The following XPO6 variants were observed in gnomAD, a reference collection of about 807,000 sequenced individuals.
XPO6 encodes the protein exportin-6.
A neutral mutation model predicts 130.0 loss-of-function variants in XPO6; 3 were observed. The ratio of observed to expected loss-of-function variants is 0.02; its 90% CI spans 0.01 to 0.06. The LOEUF is 0.06. Ranked by LOEUF, XPO6 falls within the 10% of genes least tolerant of loss-of-function variation. XPO6 has a pLI of 1.00. For synonymous variants in XPO6, 524 were observed against 548.9 expected (o/e 0.95, Z 0.63); for missense variants, 970 against 1,393.0 (o/e 0.70, Z 4.83).
intron 6 of XPO6, among the ~76,000 whole-genome samples, chr16:28,162,144 GAA>G (rs1165506195): frequency 6.6e-6 from 1 of 152,230 alleles, no homozygotes; most frequent in East Asian, 1.9e-4. Context: ...TCAAAAGAAA[GAA>G]AATAGCAGGA....
intron 1 of XPO6, among the ~76,000 whole-genome samples, chr16:28,188,020 G>A (rs974981174): frequency 2.0e-5 from 3 of 152,118 alleles, no homozygotes; most frequent in Non-Finnish European, 2.9e-5. Flanking sequence ...GATTAAATCT[G>A]TAATATGTTA....
intron 6 of XPO6, among the ~76,000 whole-genome samples, chr16:28,160,428 T>A (rs2043257200): frequency 7.1e-6 from 1 of 140,740 alleles, no homozygotes; most frequent in South Asian, 2.2e-4. Flanking sequence ...CGCTTGCCCC[T>A]GGGAGGCGGA....
Position 28,148,894 on chromosome 16 carries a change from T to C in XPO6, c.1225-2691A>G, listed in dbSNP as rs554593488. ...CTATCTCTACTAAAAATACAAAAAA[T>C]TAGCCGGGTGGGATGGTGCTTGCCT... On this transcript the variant is annotated intron_variant, in intron 8 of 23. Coordinates refer to ENST00000304658, the MANE Select transcript of XPO6 (RefSeq NM_015171.4). 6.6e-5 allele frequency among the ~76,000 whole-genome samples: 10 copies of C among 151,888 alleles called. No individual in the cohort carries two copies. In the South Asian group the frequency reaches 1.9e-3, roughly 29 times the overall value.
At chr16:28,201,468 C>T (rs2141908225) in intron 1 of XPO6, among the ~76,000 whole-genome samples, 1 of 152,266 alleles carries the variant, frequency 6.6e-6, no homozygotes. Flanking sequence ...CTCCTCACCC[C>T]CAGGCTTGGA....
Position 28,156,385 on chromosome 16 carries a change from C to T in XPO6, c.786G>A (p.Leu262=). 2 of 1,614,000 alleles carry T rather than the reference C, an allele frequency of 1.2e-6. No homozygotes were observed. Among genetic ancestry groups the T allele is most frequent in the South Asian group, 2.2e-5 (2 of 91,068 alleles). ...GGAGGGATGGGGTGATGCTGGCAGACAGAGGAATCCAACTGAAGAGATGGG... is the reference window on the plus strand; with the variant it reads ...GGAGGGATGGGGTGATGCTGGCAGATAGAGGAATCCAACTGAAGAGATGGG... ...CLAHLFSWIP[L]SASITPSLLT... is the part of the protein sequence containing the mutation. The change falls in exon 7 of 24, where the codon CTG becomes CTA. Residue 262 remains leucine, a synonymous_variant. Transcript: ENST00000304658.
intron 14 of XPO6, among the ~76,000 whole-genome samples, chr16:28,118,948 A>C (rs1311806600): frequency 6.6e-6 from 1 of 152,198 alleles, no homozygotes; most frequent in Non-Finnish European, 1.5e-5. Context: ...TAGGATTGCT[A>C]CTGGATTGTC....
At chr16:28,159,603 C>T (rs1472142734) in intron 6 of XPO6, among the ~76,000 whole-genome samples, 1 of 152,152 alleles carries the variant, frequency 6.6e-6, no homozygotes, top group Non-Finnish European at 1.5e-5. Flanking sequence ...AGCAAAAGGA[C>T]ACACTGGCAT....
chr16:28,104,514 G>T, intron 21 of XPO6, 32 bp downstream of exon 21: 2 of 1,612,482 alleles, frequency 1.2e-6, no homozygotes, highest in Non-Finnish European at 1.7e-6. Flanking sequence ...GTTAGAGGAA[G>T]TCACCTGGCA....
intron 12 of XPO6, 115 bp from the exon 13 acceptor site, chr16:28,125,963 G>A (rs1365635014): frequency 1.7e-5 from 23 of 1,361,380 alleles, no homozygotes; most frequent in Non-Finnish European, 2.3e-5. Context: ...ACCAATTCGC[G>A]AAACAAAGCA....
intron 1 of XPO6, among the ~76,000 whole-genome samples, chr16:28,190,412 A>G (rs1278249481): frequency 4.6e-5 from 7 of 151,924 alleles, no homozygotes; most frequent in Non-Finnish European, 1.0e-4. Flanking sequence ...TATTAGAGAC[A>G]AGACTTCATC....
chr16:28,194,126 G>C (rs2043824488), intron 1 of XPO6, among the ~76,000 whole-genome samples: 1 of 151,802 alleles, frequency 6.6e-6, no homozygotes, highest in Non-Finnish European at 1.5e-5. Context: ...CCCTCACCAA[G>C]TAGCTATGGG....
intron 12 of XPO6, among the ~76,000 whole-genome samples, chr16:28,128,180 T>G (rs1435699121): frequency 6.6e-6 from 1 of 152,168 alleles, no homozygotes; most frequent in Non-Finnish European, 1.5e-5. Flanking sequence ...CAAGGTTATA[T>G]CTATGCAACC....
intron 1 of XPO6, among the ~76,000 whole-genome samples, chr16:28,197,478 T>C (rs1214497061): frequency 1.3e-5 from 2 of 152,138 alleles, no homozygotes; most frequent in Non-Finnish European, 2.9e-5. Flanking sequence ...TGAGGAACAA[T>C]AATGAGAAGC....
In XPO6 at chr16:28,156,544, C is replaced by T; in HGVS notation, c.644-17G>A. ...GTAAGTCACCTGAAAATAAGAAAGG[C>T]TTTTAAGCTATCCAGCATCAAATCT... On this transcript the variant is annotated splice_polypyrimidine_tract_variant and intron_variant, in intron 6 of 23. Coordinates refer to ENST00000304658, the MANE Select transcript of XPO6 (RefSeq NM_015171.4). 1.3e-6 allele frequency: 2 copies of T among 1,519,168 alleles called. No individual in the cohort carries two copies. Among genetic ancestry groups the T allele is most frequent in the South Asian group, 2.6e-5 (2 of 75,508 alleles). 94.1% of individuals were successfully genotyped at this position (1,519,168 alleles called of 1,614,324 possible).
At chr16:28,118,495 G>A (rs1409627177) in intron 14 of XPO6, among the ~76,000 whole-genome samples, 1 of 152,032 alleles carries the variant, frequency 6.6e-6, no homozygotes, top group Admixed American at 6.5e-5. Context: ...CAAGTAGCTG[G>A]GATTACAGGT....
chr16:28,142,553 G>A (rs370711574), intron 9 of XPO6, among the ~76,000 whole-genome samples: 2 of 152,010 alleles, frequency 1.3e-5, no homozygotes, highest in East Asian at 3.9e-4. Context: ...GAGCTTGGAG[G>A]GGTTTTTGTT....
In XPO6 at chr16:28,211,748, G is replaced by A. The variant is rs1596987972; in HGVS notation, c.-380C>T. 2.9e-6 allele frequency: 1 copy of A among 341,206 alleles called. No individual in the cohort carries two copies. 21.1% of individuals were successfully genotyped at this position (341,206 alleles called of 1,614,324 possible). A position where few individuals can be genotyped will look rare whatever the true frequency, so the allele number is the denominator to read the frequency against. On this transcript the variant is annotated 5_prime_UTR_variant, in exon 1 of 24. Transcript: ENST00000304658. Reference sequence around the variant, plus strand: ...CGCGGGCAGAGGTGGCGGCGGCCCCGGCCCCGAGGCTGAACGGGCGGAGGC... The same window carrying A: ...CGCGGGCAGAGGTGGCGGCGGCCCCAGCCCCGAGGCTGAACGGGCGGAGGC...
chr16:28,121,565 C>A, intron 14 of XPO6, 105 bp downstream of exon 14: 1 of 876,238 alleles, frequency 1.1e-6, no homozygotes, highest in Non-Finnish European at 1.9e-6. Flanking sequence ...GAGTTTTTCC[C>A]TGATTCATGG....
Position 28,211,703 on chromosome 16 carries a change from G to C in XPO6, c.-335C>G, listed in dbSNP as rs1362955976. The C allele has an allele frequency of 1.8e-5, 7 of 387,412 alleles. No individual in the cohort carries two copies. Among genetic ancestry groups the C allele is most frequent in the Non-Finnish European group, 2.7e-5 (6 of 219,484 alleles). 24.0% of individuals were successfully genotyped at this position (387,412 alleles called of 1,614,324 possible). A position where few individuals can be genotyped will look rare whatever the true frequency, so the allele number is the denominator to read the frequency against. On this transcript the variant is annotated 5_prime_UTR_variant, in exon 1 of 24. Coordinates refer to ENST00000304658, the MANE Select transcript of XPO6 (RefSeq NM_015171.4). The stretch of plus-strand genomic sequence containing the variant: ...CCCCGCGGGGGAGGCTGCGGGCCCA[G>C]GCAGGGGCTCCCCGGCCTCCGCGGG...
Sources: allele counts gnomAD v4.1 joint callset (sites outside exome capture counted in the v4.1 genomes callset), GRCh38; gene constraint gnomAD v4.1.1; transcripts MANE v1.5; gene names NCBI Gene and HGNC (gene_info 2026-07-23, HGNC 2026-07-21).